The following CCT7 variants were observed in gnomAD, a reference collection of about 807,000 sequenced individuals.
CCT7 encodes the protein T-complex protein 1 subunit eta.
A neutral mutation model predicts 56.6 loss-of-function variants in CCT7; 16 were observed. The ratio of observed to expected loss-of-function variants is 0.28; its 90% CI spans 0.19 to 0.43. The LOEUF is 0.43. CCT7 is among the 20% of genes least tolerant of loss of function. CCT7 has a pLI of 1.00. For synonymous variants in CCT7, 262 were observed against 254.8 expected, an observed-to-expected ratio of 1.03 and a Z score of -0.27; for missense variants, 519 against 685.6, an observed-to-expected ratio of 0.76 and a Z score of 2.71.
intron 11 of CCT7, 24 bp downstream of exon 11, chr2:73,251,456 T>TG: frequency 6.4e-7 from 1 of 1,551,752 alleles, no homozygotes; most frequent in Non-Finnish European, 8.9e-7. Context: ...CTCCCCAGGG[T>TG]TCAGGGTTTG....
chr2:73,243,602 AT>A (rs890441148), intron 4 of CCT7, among the ~76,000 whole-genome samples: 1 of 152,204 alleles, frequency 6.6e-6, no homozygotes, highest in African/African-American at 2.4e-5. Context: ...AAGTTTATAT[AT>A]TTGTATGCAT....
chr2:73,244,714 A>G lies in CCT7; in HGVS notation c.617A>G (p.Glu206Gly). Reference protein sequence around the residue: ...GIKKVQGGALEDSQLVAGVAF... With the variant: ...GIKKVQGGALGDSQLVAGVAF... ...AAGAAGGTACAGGGTGGAGCCCTCG[A>G]GGTAAGCCTGCTGTGGCCTTCCTAG... The change falls in exon 6 of 12, where the codon GAG becomes GGG. Residue 206 changes from glutamate (E) to glycine (G), a missense_variant and splice_region_variant. Coordinates refer to ENST00000258091, the MANE Select transcript of CCT7 (RefSeq NM_006429.4). The G allele has an allele frequency of 6.2e-7, 1 of 1,608,662 alleles. No individual in the cohort carries two copies. Among genetic ancestry groups the G allele is most frequent in the Middle Eastern group, 1.7e-4 (1 of 6,048 alleles).
rs1202323014 is a variant in CCT7, at chr2:73,234,351, G to A, written c.-28G>A. On this transcript the variant is annotated 5_prime_UTR_variant, in exon 1 of 12. It adds an upstream start codon to the 5' untranslated region. Transcript: ENST00000258091. ...GCCCGGTCTCGGAGAAGAGGGGAGAGTGGCGGGCCGCTGAATAAGCTTCCA... is the reference window on the plus strand; with the variant it reads ...GCCCGGTCTCGGAGAAGAGGGGAGAATGGCGGGCCGCTGAATAAGCTTCCA... The A allele has an allele frequency of 6.2e-7, 1 of 1,613,278 alleles. No individual in the cohort carries two copies. Among genetic ancestry groups the A allele is most frequent in the African/African-American group, 1.3e-5 (1 of 74,954 alleles).
intron 9 of CCT7, 57 bp downstream of exon 9, chr2:73,249,973 TCTTTTGG>T: frequency 8.3e-7 from 1 of 1,198,276 alleles, no homozygotes; most frequent in Non-Finnish European, 1.2e-6. Flanking sequence ...TCTTCTGCCA[TCTTTTGG>T]CTGTGGTATA....
At chr2:73,247,498 C>A (rs1414293520) in intron 6 of CCT7, among the ~76,000 whole-genome samples, 1 of 151,872 alleles carries the variant, frequency 6.6e-6, no homozygotes, top group Non-Finnish European at 1.5e-5. Flanking sequence ...GCCCAGTAGG[C>A]CTTTACCATG....
intron 7 of CCT7, 108 bp downstream of exon 7, chr2:73,248,034 A>C (rs1687419567): frequency 1.1e-6 from 1 of 930,256 alleles, no homozygotes; most frequent in African/African-American, 1.7e-5. Context: ...TGCCCCCCTG[A>C]ATATTGATGT....
chr2:73,251,452 A>AG lies in CCT7; in HGVS notation c.1410+23dup. On this transcript the variant is annotated intron_variant, in intron 11 of 11. Coordinates refer to ENST00000258091, the MANE Select transcript of CCT7 (RefSeq NM_006429.4). ...GCCCAGGTGGGTCCTTTCTCTCCCCAGGGTTCAGGGTTTGGGCGGGTGGGG... is the reference window on the plus strand; with the variant it reads ...GCCCAGGTGGGTCCTTTCTCTCCCCAGGGGTTCAGGGTTTGGGCGGGTGGGG... The AG allele has an allele frequency of 7.0e-6, 4 of 567,494 alleles. No homozygotes were observed. Among genetic ancestry groups the AG allele is most frequent in the Non-Finnish European group, 1.2e-5 (4 of 323,062 alleles). The allele number at this position is 567,494 out of a possible 1,614,324, so 35.2% of individuals were successfully genotyped here.
At chr2:73,244,280 T>G (rs1687238508) in intron 5 of CCT7, 1 of 613,342 alleles carries the variant, frequency 1.6e-6, no homozygotes, top group East Asian at 2.7e-5. Context: ...CCTGGGGCTG[T>G]TTGGCTCCTG....
intron 6 of CCT7, among the ~76,000 whole-genome samples, chr2:73,247,031 G>A (rs1021734810): frequency 1.3e-5 from 2 of 152,138 alleles, no homozygotes; most frequent in Admixed American, 6.5e-5. Context: ...TAAGTCTCAC[G>A]GTAGTGCTGA....
At chr2:73,243,324 C>G (rs1687195581) in intron 4 of CCT7, 195 bp downstream of exon 4, 3 of 605,146 alleles carry the variant, frequency 5.0e-6, no homozygotes, top group Non-Finnish European at 8.5e-6. Flanking sequence ...CTCTTTAAGC[C>G]TCAGGTTAGA....
In CCT7 at chr2:73,248,974, T is replaced by G. The variant is rs1687460888; in HGVS notation, c.784-17T>G. ...CTTCACCCCAAAGCATTCTCATCCTTTTCTGGGTCTCTCCAGGATTATCAG... is the reference window on the plus strand; with the variant it reads ...CTTCACCCCAAAGCATTCTCATCCTGTTCTGGGTCTCTCCAGGATTATCAG... On this transcript the variant is annotated splice_polypyrimidine_tract_variant and intron_variant, in intron 7 of 11. Transcript: ENST00000258091. 2 of 1,603,770 alleles carry G rather than the reference T, an allele frequency of 1.2e-6. No individual in the cohort carries two copies. The highest frequency in any genetic ancestry group is 1.7e-6 in the Non-Finnish European group (2 of 1,173,272).
chr2:73,249,814 C>G lies in CCT7; in HGVS notation c.973-5C>G. On this transcript the variant is annotated splice_polypyrimidine_tract_variant and splice_region_variant and intron_variant, in intron 8 of 11. Transcript: ENST00000258091. ...CTGCTAGATCTTGCCTTCCTTGCTC[C>G]CTAGGCCTGTGGAGGCTCAATCCAG... 6.2e-7 allele frequency: 1 copy of G among 1,607,192 alleles called. No individual in the cohort carries two copies. The highest frequency in any genetic ancestry group is 8.5e-7 in the Non-Finnish European group (1 of 1,173,684).
At chr2:73,244,273 G>C in intron 5 of CCT7, 1 of 615,456 alleles carries the variant, frequency 1.6e-6, no homozygotes, top group South Asian at 2.1e-5. Flanking sequence ...CTATGTGCCT[G>C]GGGCTGTTTG....
At chr2:73,239,465 T>G (rs1687011190) in intron 1 of CCT7, 178 bp from the exon 2 acceptor site, 3 of 600,720 alleles carry the variant, frequency 5.0e-6, no homozygotes, top group Non-Finnish European at 2.9e-6. Flanking sequence ...AATTTGATAG[T>G]GTCTCTGGAG....
chr2:73,237,924 A>G (rs1454100065), intron 1 of CCT7, among the ~76,000 whole-genome samples: 3 of 152,254 alleles, frequency 2.0e-5, no homozygotes, highest in South Asian at 4.1e-4. Context: ...GTGGTACCTC[A>G]TGCATTGCGG....
At chr2:73,249,289 G>GTT (rs753559796) in intron 8 of CCT7, 110 bp downstream of exon 8, 1,055 of 615,858 alleles carry the variant, frequency 1.7e-3, no homozygotes, top group Non-Finnish European at 2.1e-3. Context: ...ATTGAGCCCT[G>GTT]TTTTTTTTTT....
At chr2:73,240,666 A>C (rs1295311816) in intron 3 of CCT7, 123 bp downstream of exon 3, 2 of 491,200 alleles carry the variant, frequency 4.1e-6, no homozygotes, top group African/African-American at 4.0e-5. Flanking sequence ...ATACATGCTT[A>C]TAAAAGTATT....
intron 11 of CCT7, among the ~76,000 whole-genome samples, chr2:73,251,680 C>T (rs1326888188): frequency 6.6e-6 from 1 of 152,196 alleles, no homozygotes; most frequent in Non-Finnish European, 1.5e-5. Flanking sequence ...GTGGCTCACG[C>T]CTGTAATCCC....
At chr2:73,241,034 T>C (rs1687088193) in intron 3 of CCT7, among the ~76,000 whole-genome samples, 1 of 24,132 alleles carries the variant, frequency 4.1e-5, no homozygotes, top group South Asian at 7.9e-4. Flanking sequence ...TACACCAGGC[T>C]TTTTTTTTTT....
Sources: gnomAD v4.1 joint callset for allele counts (sites outside exome capture counted in the v4.1 genomes callset) on GRCh38, gnomAD v4.1.1 for gene constraint, MANE v1.5 for transcripts, NCBI Gene and HGNC (gene_info 2026-07-23, HGNC 2026-07-21) for gene names.